Variants in ICE1 observed in about 807,000 individuals in gnomAD.
ICE1 encodes the protein little elongation complex subunit 1.
A neutral mutation model predicts 192.7 loss-of-function variants in ICE1; 64 were observed. That is an observed-to-expected ratio of 0.33 (90% confidence interval 0.27 to 0.41). ICE1 has a LOEUF of 0.41. Among genes scored for constraint, ICE1 ranks in the 10% least tolerant of loss-of-function variants. ICE1 has a pLI of 1.00. For missense variants in ICE1, 2,708 were observed against 2,696.0 expected, an observed-to-expected ratio of 1.00 and a Z score of -0.10; for synonymous variants, 1,010 against 984.5, an observed-to-expected ratio of 1.03 and a Z score of -0.49.
chr5:5,427,845 T>C (rs1737571383), intron 1 of ICE1, among the ~76,000 whole-genome samples: 1 of 152,182 alleles, frequency 6.6e-6, no homozygotes, highest in Non-Finnish European at 1.5e-5. Context: ...AGGTTACAGT[T>C]AAGTAGAAAA....
At position 5,464,258 on chromosome 5, in the gene ICE1, A is replaced by G. The variant is rs767619745; in HGVS notation, c.4924A>G (p.Thr1642Ala). Residue 1642 changes from threonine to alanine, a missense_variant, in exon 13 of 19, where the codon ACA becomes GCA. Physicochemically the swap from Thr to Ala is moderately conservative, Grantham distance 58. This residue lies in a region of ICE1 where 2,366 missense variants were observed against 2,276.6 expected (regional missense o/e 1.04). Coordinates refer to ENST00000296564, the MANE Select transcript of ICE1 (RefSeq NM_015325.3). This position sits in a 1 kb window ranked among gnomAD's most constrained non-coding sequence, Gnocchi z 4.0. ...LPPLLAPLIA[T>A]PPRTSQPLSP... Reference sequence around the variant, plus strand: ...GCCTCTGCTTGCTCCTCTGATAGCTACACCTCCAAGGACTTCACAGCCACT... The same window carrying G: ...GCCTCTGCTTGCTCCTCTGATAGCTGCACCTCCAAGGACTTCACAGCCACT... 2.5e-6 allele frequency: 4 copies of G among 1,613,482 alleles called. No homozygotes were observed. In the South Asian group the frequency reaches 3.3e-5, roughly 13 times the overall value.
intron 4 of ICE1, 61 bp downstream of exon 4, chr5:5,439,974 A>G: frequency 8.3e-7 from 1 of 1,200,934 alleles, no homozygotes; most frequent in Non-Finnish European, 1.2e-6. Context: ...TCTGAGATAG[A>G]CATTTATTGG....
rs1738765520 is a variant in ICE1 at position 5,461,230 on chromosome 5, C to G, written c.1896C>G (p.Ser632=). The part of the protein sequence containing the change: ...AGLDIETSFS[S]SSTLVALSVG... ...TTGACATTGAAACCAGTTTTTCTTC[C>G]TCTTCTACCTTGGTAGCATTGTCTG... The change falls in exon 13 of 19, where the codon TCC becomes TCG. Residue 632 remains serine, a synonymous_variant. Transcript: ENST00000296564. The G allele has an allele frequency of 6.2e-7, 1 of 1,613,952 alleles. No homozygotes were observed. Among genetic ancestry groups the G allele is most frequent in the Non-Finnish European group, 8.5e-7 (1 of 1,179,874 alleles).
intron 1 of ICE1, 108 bp downstream of exon 1, chr5:5,423,107 C>T (rs1364120777): frequency 7.1e-6 from 4 of 565,972 alleles, no homozygotes; most frequent in African/African-American, 3.9e-5. Context: ...GTGCGCTGCT[C>T]TCCCTTCCCA....
In ICE1 at chr5:5,489,443, TAAAAC is replaced by T. The variant is rs1157982666; in HGVS notation, c.*115_*119del. The T allele has an allele frequency of 1.2e-5, 11 of 926,854 alleles. No homozygotes were observed. The highest frequency in any genetic ancestry group is 1.9e-5 in the South Asian group (1 of 52,558). The allele number at this position is 926,854 out of a possible 1,614,324, so 57.4% of individuals were successfully genotyped here. A position where few individuals can be genotyped will look rare whatever the true frequency, so the allele number is the denominator to read the frequency against. Reference sequence around the variant, plus strand: ...TCAAAACAAAAAGACATAAAATAGATAAAACAGACCAGAGGCTCTCCTTATTGTTT... The same window carrying T: ...TCAAAACAAAAAGACATAAAATAGATAGACCAGAGGCTCTCCTTATTGTTT... On this transcript the variant is annotated 3_prime_UTR_variant, in exon 19 of 19. Coordinates refer to ENST00000296564, the MANE Select transcript of ICE1 (RefSeq NM_015325.3).
chr5:5,437,211 A>G (rs965291152), intron 3 of ICE1, 97 bp downstream of exon 3: 4 of 896,506 alleles, frequency 4.5e-6, no homozygotes, highest in Non-Finnish European at 7.1e-6. Context: ...GCCTTCTGGA[A>G]GATAGTACTT....
intron 12 of ICE1, among the ~76,000 whole-genome samples, chr5:5,458,941 C>T (rs764492009): frequency 2.0e-5 from 3 of 151,986 alleles, no homozygotes; most frequent in Non-Finnish European, 4.4e-5. Context: ...GGCGCGATCT[C>T]GGCTCACTGC....
At chr5:5,474,855 C>G (rs1739265713) in intron 16 of ICE1, among the ~76,000 whole-genome samples, 1 of 152,128 alleles carries the variant, frequency 6.6e-6, no homozygotes, top group African/African-American at 2.4e-5. Context: ...CATCTTGACA[C>G]TAAGGGAAGA....
At chr5:5,449,896 T>A (rs1047216780) in intron 10 of ICE1, among the ~76,000 whole-genome samples, 13 of 152,334 alleles carry the variant, frequency 8.5e-5, no homozygotes, top group African/African-American at 2.9e-4. Flanking sequence ...GAAAACAAGA[T>A]GTTTATATAC....
chr5:5,446,585 C>T (rs774343892), intron 7 of ICE1, among the ~76,000 whole-genome samples: 17 of 152,170 alleles, frequency 1.1e-4, no homozygotes, highest in Non-Finnish European at 2.4e-4. Flanking sequence ...TGCAAGGAAA[C>T]ATCTTTAAAG....
chr5:5,439,044 T>C (rs1737960167), intron 3 of ICE1, among the ~76,000 whole-genome samples: 1 of 152,152 alleles, frequency 6.6e-6, no homozygotes, highest in Non-Finnish European at 1.5e-5. Context: ...TTTTTCAAGA[T>C]GGGAAAGTTA....
chr5:5,473,471 A>G, intron 15 of ICE1, 87 bp from the exon 16 acceptor site: 1 of 1,127,808 alleles, frequency 8.9e-7, no homozygotes, highest in South Asian at 1.5e-5. Context: ...TAGTCATCGA[A>G]TGCTTATTAT....
At chr5:5,488,771 T>A (rs1332368181) in intron 18 of ICE1, among the ~76,000 whole-genome samples, 1 of 152,184 alleles carries the variant, frequency 6.6e-6, no homozygotes, top group Non-Finnish European at 1.5e-5. Context: ...AGTCATATGT[T>A]TAATGAAGGT....
chr5:5,452,635 T>G (rs77021867), intron 10 of ICE1, among the ~76,000 whole-genome samples: 7,757 of 152,158 alleles, frequency 0.051, 643 homozygotes, highest in East Asian at 0.34. Context: ...GTCCCATAGA[T>G]GTTTTCTATG....
At position 5,463,945 on chromosome 5, in the gene ICE1, T is replaced by G; in HGVS notation, c.4611T>G (p.Ser1537=). The G allele has an allele frequency of 6.2e-7, 1 of 1,613,982 alleles. No individual in the cohort carries two copies. ...DQNFETQIVA[S]DHTYYNSKLE... ...ACTTCGAGACTCAGATTGTTGCGTC[T>G]GATCACACATATTATAACTCAAAAC... Residue 1537 remains serine, a synonymous_variant, in exon 13 of 19, where the codon TCT becomes TCG. Transcript: ENST00000296564.
Position 5,468,934 on chromosome 5 carries a change from A to C in ICE1, c.6168A>C (p.Gln2056His), listed in dbSNP as rs74672142. The change falls in exon 15 of 19, where the codon CAA becomes CAC. Residue 2056 changes from glutamine to histidine, a missense_variant. Around this residue, in one of 2 missense-constraint regions of ICE1, gnomAD observed 342 missense variants for 419.3 expected, o/e 0.82. Transcript: ENST00000296564. ...AAGCAATGCAGTTAGTTGCCAGGCA[A>C]CGTGCTAAAGGAGAGGTTCTGAACT... ...INKAMQLVAR[Q>H]RAKGEVLNCL... 3 of 1,607,126 alleles carry C rather than the reference A, an allele frequency of 1.9e-6. No individual in the cohort carries two copies. The highest frequency in any genetic ancestry group is 2.2e-5 in the East Asian group (1 of 44,480).
chr5:5,437,670 A>G (rs1737911165), intron 3 of ICE1: 1 of 152,582 alleles, frequency 6.6e-6, no homozygotes, highest in Admixed American at 6.5e-5. Flanking sequence ...TAGCCATTTA[A>G]TGAGCTCGGT....
chr5:5,455,728 T>A (rs1738564820), intron 11 of ICE1, among the ~76,000 whole-genome samples: 1 of 152,190 alleles, frequency 6.6e-6, no homozygotes, highest in Non-Finnish European at 1.5e-5. Flanking sequence ...TGAGGATGGT[T>A]ACAAAAATAG....
intron 4 of ICE1, among the ~76,000 whole-genome samples, chr5:5,440,125 A>T (rs937813800): frequency 2.0e-5 from 3 of 152,228 alleles, no homozygotes; most frequent in African/African-American, 4.8e-5. Flanking sequence ...TAAGGTCTTG[A>T]ATTACAACTG....
Sources: gnomAD v4.1 joint callset for allele counts (sites outside exome capture counted in the v4.1 genomes callset) on GRCh38, gnomAD v4.1.1 for gene constraint, gnomAD v4.1.1 regional missense constraint, Gnocchi (gnomAD v3.1) non-coding constraint, MANE v1.5 for transcripts, NCBI Gene and HGNC (gene_info 2026-07-23, HGNC 2026-07-21) for gene names.